RNF130: variants seen among roughly 807,000 people sequenced by gnomAD.
RNF130 encodes the protein E3 ubiquitin-protein ligase RNF130.
Under a neutral mutation model 44.6 loss-of-function variants are expected in RNF130, and 21 were observed. That is an observed-to-expected ratio of 0.47 (90% confidence interval 0.33 to 0.68). The LOEUF is 0.68. Among genes scored for constraint, RNF130 ranks in the 30% least tolerant of loss-of-function variants. RNF130 has a pLI of 0.02. For synonymous variants in RNF130, 214 were observed against 210.4 expected, an observed-to-expected ratio of 1.02 and a Z score of -0.15; for missense variants, 479 against 560.6, an observed-to-expected ratio of 0.85 and a Z score of 1.47.
At chr5:179,945,512 C>A (rs1331643474) in intron 7 of RNF130, among the ~76,000 whole-genome samples, 1 of 152,176 alleles carries the variant, frequency 6.6e-6, no homozygotes. Flanking sequence ...GTTTCCAATC[C>A]TCACAGTGCT....
At chr5:179,947,113 A>G (rs576986825) in intron 7 of RNF130, among the ~76,000 whole-genome samples, 1 of 152,266 alleles carries the variant, frequency 6.6e-6, no homozygotes, top group East Asian at 1.9e-4. Context: ...GGTTTCTAGA[A>G]TCTTCTCATC....
chr5:179,952,246 T>C (rs756507249), downstream of RNF130, among the ~76,000 whole-genome samples: 4 of 151,454 alleles, frequency 2.6e-5, no homozygotes, highest in Non-Finnish European at 4.4e-5. Context: ...AAATAGAGAA[T>C]AGAAGAGAGA....
intron 1 of RNF130, among the ~76,000 whole-genome samples, chr5:180,055,067 G>C (rs561703118): frequency 1.2e-3 from 187 of 151,910 alleles, no homozygotes; most frequent in African/African-American, 4.3e-3. Context: ...TTTTGGCCAG[G>C]AGTGGTGGCT....
chr5:179,921,590 G>T (rs1353085829), intron 7 of RNF130, among the ~76,000 whole-genome samples: 1 of 152,152 alleles, frequency 6.6e-6, no homozygotes, highest in East Asian at 1.9e-4. Context: ...TTGAGATCAG[G>T]AGTTCAAGAC....
In RNF130 at chr5:180,036,603, T is replaced by C. The variant is rs540796048; in HGVS notation, c.442+3850A>G. On this transcript the variant is annotated intron_variant, in intron 2 of 8. Coordinates refer to ENST00000521389, the MANE Select transcript of RNF130 (RefSeq NM_018434.6). ...TCTCAGATTATTGTCCCTTCATTAA[T>C]ATCCAGAACACTGAAATGGCTGTTT... is the stretch of plus-strand genomic sequence containing the variant. 2.7e-4 allele frequency among the ~76,000 whole-genome samples: 41 copies of C among 152,372 alleles called. 1 individual carries two copies. The South Asian group carries it at 7.7e-3, about 28-fold the overall frequency.
chr5:180,001,821 T>C (rs957424092), intron 3 of RNF130, among the ~76,000 whole-genome samples: 2 of 152,180 alleles, frequency 1.3e-5, no homozygotes, highest in African/African-American at 4.8e-5. Flanking sequence ...AGAGGAAGGT[T>C]ATCTAAGCAG....
At chr5:180,069,801 G>T (rs1765203357) in intron 1 of RNF130, among the ~76,000 whole-genome samples, 2 of 152,158 alleles carry the variant, frequency 1.3e-5, no homozygotes, top group Non-Finnish European at 2.9e-5. Context: ...ACTGAGAGGG[G>T]AACAGGACTA....
chr5:179,988,227 T>TATAATTCTTCACAAACATACTGG (rs1762998872), intron 3 of RNF130, among the ~76,000 whole-genome samples: 1 of 152,232 alleles, frequency 6.6e-6, no homozygotes, highest in African/African-American at 2.4e-5. Context: ...TATGTTAGTG[T>TATAATTCTTCACAAACATACTGG]ATAATTCTTC....
chr5:180,044,183 T>G lies in RNF130; in HGVS notation c.248-3536A>C, dbSNP rs1764500368. 2.6e-5 allele frequency among the ~76,000 whole-genome samples: 4 copies of G among 152,196 alleles called. No homozygotes were observed. In the South Asian group the frequency reaches 8.3e-4, roughly 32 times the overall value. Reference sequence around the variant, plus strand: ...TTGTCAATAGCAATTCTGTTAAAATTCAGAATAACGGTACTTCCGTTTTTC... The same window carrying G: ...TTGTCAATAGCAATTCTGTTAAAATGCAGAATAACGGTACTTCCGTTTTTC... On this transcript the variant is annotated intron_variant, in intron 1 of 8. Coordinates refer to ENST00000521389, the MANE Select transcript of RNF130 (RefSeq NM_018434.6).
intron 7 of RNF130, among the ~76,000 whole-genome samples, chr5:179,938,249 C>T (rs1386497084): frequency 6.6e-5 from 10 of 152,138 alleles, no homozygotes; most frequent in Admixed American, 4.6e-4. Context: ...CGAGTCACCG[C>T]GCCCAACCCT....
Position 179,975,431 on chromosome 5 carries a change from G to C in RNF130, c.848+2772C>G, listed in dbSNP as rs563210712. ...GGCCCACACCCCCACACAATGACCT[G>C]GTCCCAAATGTCAACAGTGCCAAGG... On this transcript the variant is annotated intron_variant, in intron 5 of 8. Coordinates refer to ENST00000521389, the MANE Select transcript of RNF130 (RefSeq NM_018434.6). Among the ~76,000 whole-genome samples the C allele has an allele frequency of 8.5e-5, 13 of 152,338 alleles. No homozygotes were observed. The South Asian group carries it at 2.3e-3, about 27-fold the overall frequency.
intron 3 of RNF130, among the ~76,000 whole-genome samples, chr5:180,012,442 C>T (rs1287110365): frequency 1.3e-5 from 2 of 152,084 alleles, no homozygotes; most frequent in Non-Finnish European, 2.9e-5. Flanking sequence ...CAACTGAGGG[C>T]CACCATCTCC....
chr5:179,966,041 GA>G (rs1324538224), intron 7 of RNF130, among the ~76,000 whole-genome samples: 1 of 152,190 alleles, frequency 6.6e-6, no homozygotes, highest in African/African-American at 2.4e-5. Context: ...GTTGTTAGAT[GA>G]AAGGAACATG....
chr5:180,004,807 G>T (rs773215945), intron 3 of RNF130, among the ~76,000 whole-genome samples: 6 of 152,224 alleles, frequency 3.9e-5, no homozygotes, highest in African/African-American at 7.2e-5. Context: ...GAGTAAGTCT[G>T]TATCTGCACA....
intron 7 of RNF130, among the ~76,000 whole-genome samples, chr5:179,943,399 T>C (rs966741452): frequency 6.6e-6 from 1 of 152,208 alleles, no homozygotes; most frequent in African/African-American, 2.4e-5. Context: ...GACACTGGGA[T>C]CAGGGAGGGC....
chr5:180,062,452 A>G (rs1488723112), intron 1 of RNF130, among the ~76,000 whole-genome samples: 1 of 152,106 alleles, frequency 6.6e-6, no homozygotes, highest in Non-Finnish European at 1.5e-5. Flanking sequence ...TCTTAACACT[A>G]TCACATTGGA....
chr5:179,922,858 C>T (rs1477079685), intron 7 of RNF130, among the ~76,000 whole-genome samples: 5 of 140,984 alleles, frequency 3.5e-5, no homozygotes, highest in South Asian at 2.3e-4. Flanking sequence ...CGCTTGAGTC[C>T]GGGAAGCAGA....
intron 3 of RNF130, among the ~76,000 whole-genome samples, chr5:179,985,462 G>A (rs1762932557): frequency 6.6e-6 from 1 of 152,032 alleles, no homozygotes; most frequent in Admixed American, 6.6e-5. Context: ...TGAATTAGAG[G>A]CATGTCTGGG....
At chr5:180,061,382 G>A (rs958086413) in intron 1 of RNF130, among the ~76,000 whole-genome samples, 3 of 152,190 alleles carry the variant, frequency 2.0e-5, no homozygotes, top group Admixed American at 6.5e-5. Flanking sequence ...TGTGTTCAAC[G>A]CTGGGATTCT....
Sources: gnomAD v4.1 joint callset for allele counts (sites outside exome capture counted in the v4.1 genomes callset) on GRCh38, gnomAD v4.1.1 for gene constraint, MANE v1.5 for transcripts, NCBI Gene and HGNC (gene_info 2026-07-23, HGNC 2026-07-21) for gene names.